NRAP: variants seen among roughly 807,000 people sequenced by gnomAD.
The protein encoded by NRAP is nebulin-related-anchoring protein.
In NRAP, 189 loss-of-function variants were observed where a neutral mutation model predicts 225.9. The ratio of observed to expected loss-of-function variants is 0.84; its 90% CI spans 0.74 to 0.94. The LOEUF is 0.94. Ranked by LOEUF, NRAP falls within the 40% of genes least tolerant of loss-of-function variation. NRAP has a pLI of 0.00. For missense variants in NRAP, 2,176 were observed against 2,168.7 expected (o/e 1.00, Z -0.07); for synonymous variants, 769 against 790.7 (o/e 0.97, Z 0.46).
intron 4 of NRAP, among the ~76,000 whole-genome samples, chr10:113,655,480 G>C (rs887267519): frequency 6.9e-6 from 1 of 144,978 alleles, no homozygotes; most frequent in African/African-American, 2.5e-5. Flanking sequence ...CCTTGAGACA[G>C]AGTCTTGCTC....
chr10:113,589,847 G>A lies in NRAP; in HGVS notation c.4957-50C>T, dbSNP rs371816136. 113 of 1,589,492 alleles carry A rather than the reference G, an allele frequency of 7.1e-5. 1 individual carries two copies. In the Admixed American group the frequency reaches 8.8e-4, roughly 12 times the overall value. ...GGAATATGTCAGCAGGGTTTGGAGC[G>A]GTTTGACCATTAAGTAAAGAAGATT... On this transcript the variant is annotated intron_variant, in intron 40 of 41. Coordinates refer to ENST00000359988, the MANE Select transcript of NRAP (RefSeq NM_198060.4).
intron 19 of NRAP, among the ~76,000 whole-genome samples, 179 bp from the exon 20 acceptor site, chr10:113,629,200 A>G (rs1296051228): frequency 2.0e-5 from 3 of 152,196 alleles, no homozygotes; most frequent in Non-Finnish European, 4.4e-5. Flanking sequence ...CCACCTTGTA[A>G]CAAGAGTAGC....
chr10:113,592,386 TAA>T (rs925328747), intron 38 of NRAP, 85 bp from the exon 39 acceptor site: 1 of 861,528 alleles, frequency 1.2e-6, no homozygotes. Flanking sequence ...GAGTGGTTCT[TAA>T]CCTTTGTTGG....
At chr10:113,610,708 A>C in intron 30 of NRAP, 145 bp from the exon 31 acceptor site, 1 of 575,032 alleles carries the variant, frequency 1.7e-6, no homozygotes, top group Non-Finnish European at 3.1e-6. Context: ...GGATATATTA[A>C]ACTCAGCCAA....
Position 113,633,084 on chromosome 10 carries a change from C to G in NRAP, c.1632G>C (p.Glu544Asp). 6.6e-7 allele frequency: 1 copy of G among 1,508,448 alleles called. No individual in the cohort carries two copies. The highest frequency in any genetic ancestry group is 9.2e-7 in the Non-Finnish European group (1 of 1,084,012). The allele number at this position is 1,508,448 out of a possible 1,614,324, so 93.4% of individuals were successfully genotyped here. ...CCGTCTCCCCACATTGCTCTCTTAC[C>G]TCACTGAAGAGTTTGGCATTGGTTT... ...KAKTNAKLFSEVKYKEGWEKT... is the reference protein window; with the variant it reads ...KAKTNAKLFSDVKYKEGWEKT... The change falls in exon 16 of 42, where the codon GAG (glutamate) becomes GAC (aspartate). Residue 544 changes from glutamate to aspartate, a missense_variant and splice_region_variant. Physicochemically the swap from Glu to Asp is conservative, Grantham distance 45 (BLOSUM62 2). Transcript: ENST00000359988.
intron 3 of NRAP, among the ~76,000 whole-genome samples, chr10:113,659,554 C>G (rs1389982443): frequency 1.3e-5 from 2 of 152,042 alleles, no homozygotes; most frequent in Non-Finnish European, 2.9e-5. Flanking sequence ...AGGGACCTTT[C>G]GTGAGATTCA....
intron 39 of NRAP, 110 bp downstream of exon 39, chr10:113,592,084 G>A (rs890513684): frequency 3.1e-5 from 17 of 555,830 alleles, no homozygotes; most frequent in Middle Eastern, 5.2e-4. Flanking sequence ...CAGTTTTGGT[G>A]CAGAGAGAGA....
chr10:113,614,154 C>T, intron 29 of NRAP, 29 bp downstream of exon 29: 1 of 1,459,906 alleles, frequency 6.8e-7, no homozygotes. Flanking sequence ...GGGGGCCCTG[C>T]AGCCGCTGAT....
chr10:113,646,575 C>T (rs1426113284), intron 10 of NRAP, among the ~76,000 whole-genome samples: 1 of 152,186 alleles, frequency 6.6e-6, no homozygotes, highest in Non-Finnish European at 1.5e-5. Flanking sequence ...CGGGTTACAC[C>T]CAATTTGATA....
At chr10:113,589,894 G>T (rs933307258) in intron 40 of NRAP, 97 bp from the exon 41 acceptor site, 2 of 1,353,418 alleles carry the variant, frequency 1.5e-6, no homozygotes, top group Admixed American at 2.2e-5. Context: ...CACAGTATGA[G>T]ACTATGTTGT....
chr10:113,624,021 T>A (rs1848149324), intron 22 of NRAP, among the ~76,000 whole-genome samples: 1 of 152,132 alleles, frequency 6.6e-6, no homozygotes, highest in African/African-American at 2.4e-5. Flanking sequence ...TGCACCTCTT[T>A]CTCTTTCCTC....
chr10:113,604,470 C>G (rs775153891), intron 35 of NRAP, 139 bp downstream of exon 35: 6 of 670,954 alleles, frequency 8.9e-6, no homozygotes, highest in Non-Finnish European at 1.5e-5. Flanking sequence ...ATGACATAGA[C>G]CCAGCAAATC....
chr10:113,603,064 G>A (rs1292849392), intron 35 of NRAP, among the ~76,000 whole-genome samples: 1 of 152,224 alleles, frequency 6.6e-6, no homozygotes, highest in Non-Finnish European at 1.5e-5. Flanking sequence ...ACAGATGGCT[G>A]GTTATGTTCT....
chr10:113,628,656 C>T (rs1177269246), intron 20 of NRAP, among the ~76,000 whole-genome samples: 1 of 152,174 alleles, frequency 6.6e-6, no homozygotes, highest in Non-Finnish European at 1.5e-5. Flanking sequence ...GTATATTACA[C>T]CTTTCTAAAC....
rs760679116 is a variant in NRAP at position 113,626,136 on chromosome 10, G to C, written c.2155C>G (p.Arg719Gly). ...AACTTCAGCTCATCGACCCTCTGCC[G>C]GTAGTTTTTCTGTTTCCAAAGGAAA... Reference protein sequence around the residue: ...AGQLVSEKNYRQRVDELKFTS... With the variant: ...AGQLVSEKNYGQRVDELKFTS... Residue 719 changes from arginine (R) to glycine (G), a missense_variant, in exon 21 of 42, where the codon CGG (arginine) becomes GGG (glycine). Arg to Gly is a moderately radical substitution (Grantham distance 125). This residue lies in a region of NRAP where 1,708 missense variants were observed against 1,695.5 expected (regional missense o/e 1.01). Coordinates refer to ENST00000359988, the MANE Select transcript of NRAP (RefSeq NM_198060.4). 2 of 1,604,206 alleles carry C rather than the reference G, an allele frequency of 1.2e-6. No homozygotes were observed. The highest frequency in any genetic ancestry group is 1.7e-6 in the Non-Finnish European group (2 of 1,175,384).
rs777127094 is a variant in NRAP, at chr10:113,663,417, T to G, written c.102A>C (p.Glu34Asp). Residue 34 changes from glutamate to aspartate, a missense_variant, in exon 2 of 42, where the codon GAA becomes GAC. Transcript: ENST00000359988. ...QIWHKACFHC[E>D]VCKMMLSVNN... is the part of the protein sequence containing the mutation. ...TAACAGACAGCATCATCTTGCAAACTTCACAGTGAAAACAGGCTTTATGCC... is the reference window on the plus strand; with the variant it reads ...TAACAGACAGCATCATCTTGCAAACGTCACAGTGAAAACAGGCTTTATGCC... 6.2e-7 allele frequency: 1 copy of G among 1,612,446 alleles called. No homozygotes were observed. The highest frequency in any genetic ancestry group is 1.1e-5 in the South Asian group (1 of 91,012).
chr10:113,590,607 C>T lies in NRAP; in HGVS notation c.4927G>A (p.Ala1643Thr), dbSNP rs11575797. The change falls in exon 40 of 42, where the codon GCT becomes ACT. Residue 1643 changes from alanine (A) to threonine (T), a missense_variant. Physicochemically the swap from Ala to Thr is moderately conservative, Grantham distance 58 (BLOSUM62 0). Transcript: ENST00000359988. Reference sequence around the variant, plus strand: ...CTCTGCAGCTGGTGGGCCTTCTGAGCATGCCTGAGGCCCAGCTGCTCCGGG... The same window carrying T: ...CTCTGCAGCTGGTGGGCCTTCTGAGTATGCCTGAGGCCCAGCTGCTCCGGG... ...CDPEQLGLRH[A>T]QKAHQLQSDV... 7 of 1,612,998 alleles carry T rather than the reference C, an allele frequency of 4.3e-6. No homozygotes were observed. The East Asian group carries it at 1.6e-4, about 36-fold the overall frequency.
At chr10:113,594,590 GC>G (rs1199755792) in intron 38 of NRAP, among the ~76,000 whole-genome samples, 1 of 152,220 alleles carries the variant, frequency 6.6e-6, no homozygotes, top group African/African-American at 2.4e-5. Flanking sequence ...GGGAGGTCCT[GC>G]TTCCCCAGAT....
At chr10:113,642,814 C>G in intron 12 of NRAP, 120 bp downstream of exon 12, 1 of 632,620 alleles carries the variant, frequency 1.6e-6, no homozygotes, top group East Asian at 2.7e-5. Flanking sequence ...GCATTTATGC[C>G]TAAAAGGCCA....
Sources: gnomAD v4.1 joint callset for allele counts (sites outside exome capture counted in the v4.1 genomes callset) on GRCh38, gnomAD v4.1.1 for gene constraint, gnomAD v4.1.1 regional missense constraint, MANE v1.5 for transcripts, NCBI Gene and HGNC (gene_info 2026-07-23, HGNC 2026-07-21) for gene names.